The following LUZP2 variants were observed in gnomAD, a reference collection of about 807,000 sequenced individuals.
The protein encoded by LUZP2 is leucine zipper protein 2.
LUZP2 carries 52 observed loss-of-function variants against 51.6 expected under a neutral mutation model. The ratio of observed to expected loss-of-function variants is 1.01; its 90% CI spans 0.81 to 1.27. The LOEUF is 1.27. Ranked by LOEUF, LUZP2 falls within the 50% of genes most tolerant of loss-of-function variation. The pLI is 0.00. For missense variants in LUZP2, 436 were observed against 395.4 expected (o/e 1.10, Z -0.87); for synonymous variants, 154 against 137.3 (o/e 1.12, Z -0.85).
chr11:24,705,386 G>A lies in LUZP2; in HGVS notation c.63-23783G>A, dbSNP rs147383857. 6.0e-3 allele frequency among the ~76,000 whole-genome samples: 906 copies of A among 152,118 alleles called. 13 individuals carry two copies. Among genetic ancestry groups the A allele is most frequent in the African/African-American group, 0.019 (800 of 41,536 alleles). ...TATTTGGTAGAAAACAAAATCAATC[G>A]AGGTTTTAAGATTAACAGTCAAGTA... On this transcript the variant is annotated intron_variant, in intron 1 of 11. Coordinates refer to ENST00000336930, the MANE Select transcript of LUZP2 (RefSeq NM_001009909.4).
At chr11:24,659,660 T>G (rs919392401) in intron 1 of LUZP2, among the ~76,000 whole-genome samples, 1 of 152,102 alleles carries the variant, frequency 6.6e-6, no homozygotes, top group Non-Finnish European at 1.5e-5. Context: ...TCACAATATA[T>G]TTTTAAATAC....
rs1037485831 is a variant in LUZP2, at chr11:24,926,695, T to C, written c.522+12157T>C. Among the ~76,000 whole-genome samples the C allele has an allele frequency of 1.1e-4, 17 of 150,114 alleles. 1 individual carries two copies. ...TGTGTGTGTGTGTGTGTTGCTGCTA[T>C]AAACGTGTGTGCAAGTATCTTTTTT... On this transcript the variant is annotated intron_variant, in intron 7 of 11. Transcript: ENST00000336930.
At chr11:24,686,436 C>T (rs1245321455) in intron 1 of LUZP2, among the ~76,000 whole-genome samples, 1 of 152,120 alleles carries the variant, frequency 6.6e-6, no homozygotes, top group South Asian at 2.1e-4. Flanking sequence ...AATAAAAAAG[C>T]CACCTTAAAT....
chr11:24,567,011 T>C (rs960202077), intron 1 of LUZP2, among the ~76,000 whole-genome samples: 6 of 107,902 alleles, frequency 5.6e-5, no homozygotes, highest in Non-Finnish European at 9.3e-5. Flanking sequence ...TATATATATA[T>C]ATATTTTTTT....
chr11:25,021,682 A>G (rs894085029), intron 9 of LUZP2, among the ~76,000 whole-genome samples: 3 of 152,076 alleles, frequency 2.0e-5, no homozygotes, highest in Non-Finnish European at 4.4e-5. Context: ...TGTTAACTGA[A>G]TGTGGAAGGG....
intron 1 of LUZP2, among the ~76,000 whole-genome samples, chr11:24,563,553 C>T (rs575271992): frequency 1.3e-5 from 2 of 152,134 alleles, no homozygotes. Context: ...TATCAAATTT[C>T]GTATAGTTTA....
At position 25,060,437 on chromosome 11, in the gene LUZP2, G is replaced by A. The variant is rs76685538; in HGVS notation, c.858+10307G>A. On this transcript the variant is annotated intron_variant, in intron 10 of 11. Transcript: ENST00000336930. ...ATAATCACCTCCCAAGGGCTCCAACGCCTTATCCCATTACCTTGTGAGTTA... is the reference window on the plus strand; with the variant it reads ...ATAATCACCTCCCAAGGGCTCCAACACCTTATCCCATTACCTTGTGAGTTA... Among the ~76,000 whole-genome samples the A allele has an allele frequency of 6.8e-3, 1,035 of 152,164 alleles. 7 individuals are homozygous for A. The highest frequency in any genetic ancestry group is 0.024 in the African/African-American group (999 of 41,518).
At chr11:24,958,006 G>GT (rs1855261040) in intron 7 of LUZP2, among the ~76,000 whole-genome samples, 1 of 152,204 alleles carries the variant, frequency 6.6e-6, no homozygotes, top group East Asian at 1.9e-4. Flanking sequence ...GCGATGTTTG[G>GT]TTTTTTGTTC....
chr11:24,963,908 G>T lies in LUZP2; in HGVS notation c.523-12683G>T, dbSNP rs139215378. 3.5e-3 allele frequency among the ~76,000 whole-genome samples: 539 copies of T among 152,206 alleles called. 5 individuals are homozygous for T. The highest frequency in any genetic ancestry group is 0.012 in the African/African-American group (506 of 41,528). ...GAGCTGTTCCTATTTGGCCATCTTG[G>T]CTCCTCCCCTCCAGGTTGATGTCTT... is the stretch of plus-strand genomic sequence containing the variant. On this transcript the variant is annotated intron_variant, in intron 7 of 11. Transcript: ENST00000336930.
At chr11:24,722,384 C>T (rs1046890458) in intron 1 of LUZP2, among the ~76,000 whole-genome samples, 1 of 152,064 alleles carries the variant, frequency 6.6e-6, no homozygotes, top group Admixed American at 6.5e-5. Context: ...TCACATCTTA[C>T]ACGGATGGCA....
chr11:24,728,918 A>C (rs1337211663), intron 1 of LUZP2, among the ~76,000 whole-genome samples: 1 of 152,000 alleles, frequency 6.6e-6, no homozygotes, highest in Non-Finnish European at 1.5e-5. Context: ...AGCAGGGAAG[A>C]CATAGATAGA....
intron 10 of LUZP2, among the ~76,000 whole-genome samples, chr11:25,070,800 TG>T (rs1859135942): frequency 6.6e-6 from 1 of 151,184 alleles, no homozygotes; most frequent in Non-Finnish European, 1.5e-5. Context: ...TGTGTGTGTG[TG>T]TGTGTGTGTG....
At chr11:24,606,417 T>C (rs886635120) in intron 1 of LUZP2, among the ~76,000 whole-genome samples, 3 of 152,008 alleles carry the variant, frequency 2.0e-5, no homozygotes, top group Non-Finnish European at 4.4e-5. Context: ...TGAATTTTTG[T>C]CTTGGATTAT....
intron 10 of LUZP2, among the ~76,000 whole-genome samples, chr11:25,074,809 C>G (rs10767308): frequency 0.89 from 135,908 of 152,164 alleles, 61,837 homozygotes; most frequent in Non-Finnish European, 0.98. Context: ...TTTTAGCAGT[C>G]ACCTCCTGTG....
chr11:24,804,019 G>T (rs1590558731), intron 5 of LUZP2, among the ~76,000 whole-genome samples: 2 of 145,226 alleles, frequency 1.4e-5, no homozygotes, highest in Non-Finnish European at 3.0e-5. Context: ...AAAAAAACTA[G>T]GAATAACTGT....
intron 5 of LUZP2, among the ~76,000 whole-genome samples, chr11:24,870,490 GAC>G (rs202205920): frequency 4.1e-5 from 6 of 145,634 alleles, no homozygotes; most frequent in African/African-American, 7.7e-5. Flanking sequence ...CACACACACA[GAC>G]ACACACACAC....
intron 4 of LUZP2, among the ~76,000 whole-genome samples, chr11:24,757,599 A>G (rs1012721917): frequency 6.6e-5 from 10 of 152,158 alleles, no homozygotes; most frequent in African/African-American, 2.4e-4. Context: ...AAAGAGAATT[A>G]TAAAGACTAG....
chr11:24,766,613 T>A (rs1164647740), intron 5 of LUZP2, among the ~76,000 whole-genome samples: 1 of 152,220 alleles, frequency 6.6e-6, no homozygotes, highest in Non-Finnish European at 1.5e-5. Flanking sequence ...CATCAAATTT[T>A]AATTTTGATG....
chr11:25,049,344 C>G (rs541719204), intron 9 of LUZP2, among the ~76,000 whole-genome samples: 1 of 152,316 alleles, frequency 6.6e-6, no homozygotes, highest in South Asian at 2.1e-4. Context: ...TCCCAAGAAA[C>G]ACATACACAT....
Sources: gnomAD v4.1 joint callset for allele counts (sites outside exome capture counted in the v4.1 genomes callset) on GRCh38, gnomAD v4.1.1 for gene constraint, MANE v1.5 for transcripts, NCBI Gene and HGNC (gene_info 2026-07-23, HGNC 2026-07-21) for gene names.